Variants in GRM8 observed in about 807,000 individuals in gnomAD.
GRM8 encodes the protein glutamate metabotropic receptor 8.
GRM8 carries 47 observed loss-of-function variants against 87.2 expected under a neutral mutation model. The observed-to-expected ratio is 0.54, with a 90% CI of 0.43 to 0.69. GRM8 has a LOEUF of 0.69. Among genes scored for constraint, GRM8 ranks in the 30% least tolerant of loss-of-function variants. The pLI is 0.00. For missense variants in GRM8, 1,019 were observed against 1,139.2 expected (o/e 0.89, Z 1.52); for synonymous variants, 396 against 404.5 (o/e 0.98, Z 0.25).
chr7:126,819,676 G>A (rs927480251), intron 6 of GRM8, among the ~76,000 whole-genome samples: 15 of 152,136 alleles, frequency 9.9e-5, no homozygotes, highest in Admixed American at 5.9e-4. Context: ...TGTAAAATAT[G>A]AGTAAGACCT....
At chr7:127,097,592 G>A (rs1041638415) in intron 3 of GRM8, among the ~76,000 whole-genome samples, 2 of 152,026 alleles carry the variant, frequency 1.3e-5, no homozygotes, top group African/African-American at 4.8e-5. Context: ...ATGCCTTTTG[G>A]GGGAAAATCT....
intron 9 of GRM8, among the ~76,000 whole-genome samples, chr7:126,448,327 T>G (rs1463845771): frequency 6.6e-6 from 1 of 151,976 alleles, no homozygotes; most frequent in African/African-American, 2.4e-5. Flanking sequence ...ATTTTTTAAA[T>G]GTGCCTTAAT....
chr7:127,070,234 G>A (rs1821538240), intron 3 of GRM8, among the ~76,000 whole-genome samples: 1 of 152,134 alleles, frequency 6.6e-6, no homozygotes, highest in Non-Finnish European at 1.5e-5. Context: ...ACTCACTTAT[G>A]TGTGTATCTG....
chr7:127,203,556 A>T (rs958733568), intron 2 of GRM8, among the ~76,000 whole-genome samples: 1 of 152,002 alleles, frequency 6.6e-6, no homozygotes, highest in African/African-American at 2.4e-5. Flanking sequence ...AAAAATACAA[A>T]AATTAGCCAG....
chr7:127,104,271 T>C (rs1464715629), intron 3 of GRM8, among the ~76,000 whole-genome samples: 1 of 152,222 alleles, frequency 6.6e-6, no homozygotes, highest in Admixed American at 6.5e-5. Flanking sequence ...ACTGAGGTTT[T>C]TTTTTAAAAA....
chr7:126,470,908 T>C (rs1369318571), intron 9 of GRM8, among the ~76,000 whole-genome samples: 8 of 152,144 alleles, frequency 5.3e-5, no homozygotes, highest in Middle Eastern at 6.3e-3. Context: ...TGGTATCTCA[T>C]TGTGGTTTTG....
At chr7:126,473,781 T>C (rs1185545571) in intron 9 of GRM8, among the ~76,000 whole-genome samples, 4 of 152,078 alleles carry the variant, frequency 2.6e-5, no homozygotes, top group African/African-American at 2.4e-5. Flanking sequence ...AATTTAATCA[T>C]GGGGGCAGGT....
intron 7 of GRM8, among the ~76,000 whole-genome samples, chr7:126,636,508 A>G (rs1427209890): frequency 6.6e-6 from 1 of 152,162 alleles, no homozygotes; most frequent in East Asian, 1.9e-4. Flanking sequence ...AAAAGTCTGT[A>G]CATGTTCAAT....
At chr7:127,241,473 GC>G (rs1354105294) in intron 2 of GRM8, among the ~76,000 whole-genome samples, 1 of 132,884 alleles carries the variant, frequency 7.5e-6, no homozygotes, top group Non-Finnish European at 1.6e-5. Context: ...TTGCTCTGTT[GC>G]CCAGGCTGGA....
intron 3 of GRM8, among the ~76,000 whole-genome samples, chr7:126,954,525 C>G (rs1039821168): frequency 1.3e-5 from 2 of 152,134 alleles, no homozygotes; most frequent in Non-Finnish European, 2.9e-5. Context: ...CAAATCTAAC[C>G]TGTATTTTAA....
At chr7:126,506,162 G>A (rs1192705199) in intron 9 of GRM8, among the ~76,000 whole-genome samples, 1 of 151,908 alleles carries the variant, frequency 6.6e-6, no homozygotes, top group East Asian at 1.9e-4. Context: ...GTTGCAAATG[G>A]CAGGCTTTTC....
chr7:126,573,997 G>T (rs1329188773), intron 8 of GRM8, among the ~76,000 whole-genome samples: 3 of 152,164 alleles, frequency 2.0e-5, no homozygotes, highest in African/African-American at 7.2e-5. Flanking sequence ...ATTCAAAAAG[G>T]TTGCCTCTCT....
In GRM8 at chr7:126,989,618, T is replaced by A. The variant is rs528795060; in HGVS notation, c.728-84935A>T. On this transcript the variant is annotated intron_variant, in intron 3 of 10. Transcript: ENST00000339582. The stretch of plus-strand genomic sequence containing the variant: ...CTACTGTATCCACTTCAAGGGCATG[T>A]TCAGGAAAGATAATATAGCACTGCA... Among the ~76,000 whole-genome samples, 48 of 152,082 alleles carry A rather than the reference T, an allele frequency of 3.2e-4. No homozygotes were observed. The East Asian group carries it at 8.5e-3, about 27-fold the overall frequency.
At chr7:126,443,857 T>C (rs1801722789) in intron 10 of GRM8, among the ~76,000 whole-genome samples, 2 of 151,932 alleles carry the variant, frequency 1.3e-5, no homozygotes, top group African/African-American at 4.8e-5. Flanking sequence ...AGTATCTGTA[T>C]GAGATTTACT....
chr7:126,843,076 A>ATGAAAGAAGATAACTTTCC (rs1314886103), intron 6 of GRM8, among the ~76,000 whole-genome samples: 4 of 151,476 alleles, frequency 2.6e-5, no homozygotes, highest in Non-Finnish European at 4.4e-5. Flanking sequence ...TATCTTACAA[A>ATGAAAGAAGATAACTTTCC]TGAAAGAAGA....
intron 2 of GRM8, among the ~76,000 whole-genome samples, chr7:127,123,644 TC>T (rs1300239267): frequency 2.0e-5 from 3 of 152,164 alleles, no homozygotes; most frequent in African/African-American, 7.2e-5. Flanking sequence ...CCTCAGGTAT[TC>T]CTTTATAGCC....
intron 7 of GRM8, among the ~76,000 whole-genome samples, chr7:126,754,354 A>G (rs1160470365): frequency 2.0e-5 from 3 of 151,894 alleles, no homozygotes; most frequent in African/African-American, 7.2e-5. Flanking sequence ...AAAATGTAGT[A>G]AAGTAGATAG....
chr7:127,223,708 G>A (rs571630055), intron 2 of GRM8, among the ~76,000 whole-genome samples: 48 of 152,192 alleles, frequency 3.2e-4, no homozygotes, highest in African/African-American at 1.1e-3. Context: ...CATTCCAACC[G>A]TGGGAGTGGA....
chr7:126,826,437 T>C (rs1432382245), intron 6 of GRM8, among the ~76,000 whole-genome samples: 3 of 152,206 alleles, frequency 2.0e-5, no homozygotes, highest in Admixed American at 2.0e-4. Context: ...TGGTATCTCA[T>C]TGTGGTTTTG....
Sources: allele counts gnomAD v4.1 joint callset (sites outside exome capture counted in the v4.1 genomes callset), GRCh38; gene constraint gnomAD v4.1.1; transcripts MANE v1.5; gene names NCBI Gene and HGNC (gene_info 2026-07-23, HGNC 2026-07-21).